Variants in CABLES1 observed in about 807,000 individuals in gnomAD.
CABLES1 encodes the protein Cdk5 and Abl enzyme substrate 1.
In CABLES1, 36 loss-of-function variants were observed where a neutral mutation model predicts 57.8. The observed-to-expected ratio is 0.62, with a 90% CI of 0.48 to 0.82. The LOEUF is 0.82. Among genes scored for constraint, CABLES1 ranks in the 40% least tolerant of loss-of-function variants. The pLI is 0.00. For missense variants in CABLES1, 767 were observed against 836.6 expected, an observed-to-expected ratio of 0.92 and a Z score of 1.03; for synonymous variants, 374 against 363.0, an observed-to-expected ratio of 1.03 and a Z score of -0.35.
intron 3 of CABLES1, 98 bp from the exon 4 acceptor site, chr18:23,213,879 A>G (rs527491589): frequency 5.4e-6 from 4 of 745,162 alleles, no homozygotes; most frequent in East Asian, 2.7e-5. Flanking sequence ...AAATACTGCT[A>G]TGAATGCCAT....
rs556649595 is a variant in CABLES1, at chr18:23,135,788, C to G, written c.26C>G (p.Thr9Ser). The G allele has an allele frequency of 4.5e-5, 44 of 979,372 alleles. No individual in the cohort carries two copies. The highest frequency in any genetic ancestry group is 5.2e-5 in the Non-Finnish European group (43 of 825,358). The allele number at this position is 979,372 out of a possible 1,614,324, so 60.7% of individuals were successfully genotyped here. The stretch of plus-strand genomic sequence containing the variant: ...ATGGCGGCGGCGGCGGCGGCCGCCA[C>G]CACGGCCGCCTGCAGCAGCGGCAGC... MAAAAAAA[T>S]TAACSSGSAG... Residue 9 changes from threonine to serine, a missense_variant, in exon 1 of 10, where the codon ACC becomes AGC. By Grantham distance (58) the Thr-to-Ser change is moderately conservative (BLOSUM62 1). Around this residue, in one of 4 missense-constraint regions of CABLES1, gnomAD observed 198 missense variants for 149.7 expected, o/e 1.32. Coordinates refer to ENST00000256925, the MANE Select transcript of CABLES1 (RefSeq NM_001100619.3).
intron 2 of CABLES1, 127 bp downstream of exon 2, chr18:23,189,036 A>G (rs372169626): frequency 1.6e-6 from 1 of 635,006 alleles, no homozygotes. Context: ...TCCAGGGACT[A>G]TGGGACATCT....
intron 4 of CABLES1, among the ~76,000 whole-genome samples, chr18:23,216,729 A>G (rs1473079369): frequency 2.0e-5 from 3 of 152,216 alleles, no homozygotes; most frequent in Non-Finnish European, 4.4e-5. Context: ...ACCCAGGAAG[A>G]GGGCACTCAG....
chr18:23,252,081 G>A (rs145534628), intron 7 of CABLES1, among the ~76,000 whole-genome samples: 3,308 of 144,356 alleles, frequency 0.023, 126 homozygotes, highest in African/African-American at 0.079. Context: ...GTGAGACTCC[G>A]TCTCAAAAAA....
intron 4 of CABLES1, among the ~76,000 whole-genome samples, chr18:23,230,204 C>G (rs1487973146): frequency 5.3e-5 from 8 of 152,138 alleles, no homozygotes; most frequent in African/African-American, 1.9e-4. Flanking sequence ...AACCCTGTCT[C>G]TACTAAAAAT....
chr18:23,155,899 T>TTGAATGCTTTC, intron 1 of CABLES1: 1 of 1,614,070 alleles, frequency 6.2e-7, no homozygotes, highest in Middle Eastern at 1.6e-4. Flanking sequence ...GCCTCCTTCC[T>TTGAATGCTTTC]TGAATGCTTT....
Position 23,258,731 on chromosome 18 carries a change from A to T in CABLES1, c.*1364A>T, listed in dbSNP as rs2048227008. On this transcript the variant is annotated 3_prime_UTR_variant, in exon 10 of 10. Transcript: ENST00000256925. ...ATTGCTGATCCCCTTGCGCACACTG[A>T]TTCTAGTGAGGTCACAGATTCGGAG... 6.6e-6 allele frequency: 1 copy of T among 152,208 alleles called. No individual in the cohort carries two copies. Among genetic ancestry groups the T allele is most frequent in the African/African-American group, 2.4e-5 (1 of 41,436 alleles). The allele number at this position is 152,208 out of a possible 1,614,324, so 9.4% of individuals were successfully genotyped here. A position where few individuals can be genotyped will look rare whatever the true frequency, so the allele number is the denominator to read the frequency against.
chr18:23,174,821 C>CATATATGTATATATATATATAT (rs2047110573), intron 1 of CABLES1, among the ~76,000 whole-genome samples: 1 of 94,564 alleles, frequency 1.1e-5, no homozygotes, highest in Non-Finnish European at 2.0e-5. Flanking sequence ...CATGTTACAC[C>CATATATGTATATATATATATAT]ATATATATAT....
intron 1 of CABLES1, among the ~76,000 whole-genome samples, chr18:23,156,641 C>T (rs2046967967): frequency 6.6e-6 from 1 of 152,206 alleles, no homozygotes; most frequent in African/African-American, 2.4e-5. Flanking sequence ...TCCTGTGAGC[C>T]TCTGGTCACA....
At chr18:23,156,659 G>A (rs140636408) in intron 1 of CABLES1, among the ~76,000 whole-genome samples, 1,615 of 152,286 alleles carry the variant, frequency 0.011, 16 homozygotes, top group Middle Eastern at 0.034. Flanking sequence ...ACACGTTTCC[G>A]TCATCTGATC....
chr18:23,179,211 A>C (rs1300669396), intron 1 of CABLES1, among the ~76,000 whole-genome samples: 1 of 151,954 alleles, frequency 6.6e-6, no homozygotes, highest in Non-Finnish European at 1.5e-5. Context: ...GCTTGAACCC[A>C]GGAAGCAGAG....
intron 1 of CABLES1, among the ~76,000 whole-genome samples, chr18:23,150,766 G>T (rs182015435): frequency 6.6e-6 from 1 of 152,094 alleles, no homozygotes; most frequent in East Asian, 1.9e-4. Flanking sequence ...AGGCTTTCTC[G>T]GGAAGATGAG....
chr18:23,210,604 G>C (rs1421510501), intron 3 of CABLES1, among the ~76,000 whole-genome samples: 1 of 152,180 alleles, frequency 6.6e-6, no homozygotes, highest in Non-Finnish European at 1.5e-5. Flanking sequence ...CATAACGGTT[G>C]ATCACATGGG....
At chr18:23,248,344 G>T (rs2047950440) in intron 7 of CABLES1, among the ~76,000 whole-genome samples, 2 of 152,072 alleles carry the variant, frequency 1.3e-5, no homozygotes, top group Admixed American at 1.3e-4. Context: ...TGTGCAGCAG[G>T]CATGGTTCAG....
chr18:23,249,759 CCCGACA>C (rs1243399163), intron 7 of CABLES1, among the ~76,000 whole-genome samples: 2 of 152,130 alleles, frequency 1.3e-5, no homozygotes, highest in Non-Finnish European at 2.9e-5. Flanking sequence ...ACCCCCCGCC[CCCGACA>C]GCCCTTTCCA....
At chr18:23,138,691 T>C (rs1177890941) in intron 1 of CABLES1, among the ~76,000 whole-genome samples, 1 of 152,244 alleles carries the variant, frequency 6.6e-6, no homozygotes, top group Non-Finnish European at 1.5e-5. Flanking sequence ...CTCACTTGAA[T>C]AAGGCCCGAG....
chr18:23,224,090 G>C (rs1246031722), intron 4 of CABLES1, among the ~76,000 whole-genome samples: 1 of 151,286 alleles, frequency 6.6e-6, no homozygotes, highest in Non-Finnish European at 1.5e-5. Flanking sequence ...AAGCTGGAAG[G>C]AACTTGGAGA....
At chr18:23,237,776 A>G (rs1568081659) in intron 7 of CABLES1, among the ~76,000 whole-genome samples, 1 of 152,164 alleles carries the variant, frequency 6.6e-6, no homozygotes, top group South Asian at 2.1e-4. Context: ...CCCTGTGTGT[A>G]ATTTTGGTTT....
At chr18:23,250,760 A>G (rs1435386988) in intron 7 of CABLES1, among the ~76,000 whole-genome samples, 1 of 152,224 alleles carries the variant, frequency 6.6e-6, no homozygotes, top group East Asian at 1.9e-4. Flanking sequence ...CAGAAAGACT[A>G]TGTATCAGAG....
Sources: gnomAD v4.1 joint callset for allele counts (sites outside exome capture counted in the v4.1 genomes callset) on GRCh38, gnomAD v4.1.1 for gene constraint, gnomAD v4.1.1 regional missense constraint, MANE v1.5 for transcripts, NCBI Gene and HGNC (gene_info 2026-07-23, HGNC 2026-07-21) for gene names.